Variants in CERKL observed in about 807,000 individuals in gnomAD.
CERKL encodes the protein CERK like autophagy regulator.
CERKL carries 61 observed loss-of-function variants against 63.4 expected under a neutral mutation model. The observed-to-expected ratio is 0.96, with a 90% CI of 0.78 to 1.19. The LOEUF is 1.19. Ranked by LOEUF, CERKL falls within the 50% of genes most tolerant of loss-of-function variation. CERKL has a pLI of 0.00. For missense variants in CERKL, 675 were observed against 655.5 expected (o/e 1.03, Z -0.33); for synonymous variants, 250 against 230.5 (o/e 1.08, Z -0.77).
chr2:181,656,695 TGGGTGTAGGCCTTGGGCC>T, intron 1 of CERKL, 56 bp downstream of exon 1: 1 of 1,257,770 alleles, frequency 8.0e-7, no homozygotes, highest in Non-Finnish European at 1.1e-6. Flanking sequence ...CAAAAGCTCG[TGGGTGTAGGCCTTGGGCC>T]GGGGAGAGGG....
At chr2:181,603,800 A>T in intron 2 of CERKL, 37 bp downstream of exon 2, 1 of 1,606,170 alleles carries the variant, frequency 6.2e-7, no homozygotes, top group South Asian at 1.1e-5. Flanking sequence ...TATCAAGGAA[A>T]CTGGGCTGAT....
In CERKL at chr2:181,550,604, G is replaced by T. The variant is rs1687940358; in HGVS notation, c.821-896C>A. The stretch of plus-strand genomic sequence containing the variant: ...CAAGAGCTGTGAAACCATGCATGTG[G>T]TGTGTTCCGGTTATGAAGGCAAAGA... On this transcript the variant is annotated intron_variant, in intron 5 of 12. Coordinates refer to ENST00000410087, the MANE Select transcript of CERKL (RefSeq NM_201548.5). The surrounding 1 kb of genome is among the most constrained non-coding windows in gnomAD (Gnocchi z 4.5). 6.6e-6 allele frequency among the ~76,000 whole-genome samples: 1 copy of T among 152,126 alleles called. No individual in the cohort carries two copies. Among genetic ancestry groups the T allele is most frequent in the Admixed American group, 6.6e-5 (1 of 15,244 alleles).
At chr2:181,579,444 T>G (rs1032555123) in intron 2 of CERKL, among the ~76,000 whole-genome samples, 1 of 151,990 alleles carries the variant, frequency 6.6e-6, no homozygotes. Context: ...GAACTTTCTA[T>G]GTATGTCACT....
At chr2:181,613,167 C>G (rs965850786) in intron 1 of CERKL, among the ~76,000 whole-genome samples, 28 of 152,242 alleles carry the variant, frequency 1.8e-4, no homozygotes, top group African/African-American at 6.5e-4. Flanking sequence ...CCTTGCTTCC[C>G]CTCCCCCAGC....
intron 1 of CERKL, among the ~76,000 whole-genome samples, chr2:181,638,781 T>C (rs975697886): frequency 1.3e-5 from 2 of 152,188 alleles, no homozygotes; most frequent in African/African-American, 4.8e-5. Context: ...AAGGCAGGAC[T>C]CCTAATGGGC....
At chr2:181,578,289 A>G (rs1240726143) in intron 2 of CERKL, among the ~76,000 whole-genome samples, 1 of 151,700 alleles carries the variant, frequency 6.6e-6, no homozygotes, top group African/African-American at 2.4e-5. Context: ...TAGACAGAGA[A>G]AGAGAGAGAG....
chr2:181,621,064 T>C (rs1248291132), intron 1 of CERKL, among the ~76,000 whole-genome samples: 1 of 152,184 alleles, frequency 6.6e-6, no homozygotes, highest in East Asian at 1.9e-4. Flanking sequence ...GATATGAACC[T>C]TTCATTTCCA....
chr2:181,615,307 G>A (rs1439465426), intron 1 of CERKL, among the ~76,000 whole-genome samples: 1 of 152,178 alleles, frequency 6.6e-6, no homozygotes, highest in Non-Finnish European at 1.5e-5. Context: ...AATAAGAAGA[G>A]CAAAACCAAC....
chr2:181,559,242 T>C (rs1212814608), intron 4 of CERKL, among the ~76,000 whole-genome samples: 1 of 152,188 alleles, frequency 6.6e-6, no homozygotes, highest in Non-Finnish European at 1.5e-5. Flanking sequence ...CTTGACATTA[T>C]TGCTATACGG....
chr2:181,538,216 C>CATA lies in CERKL; in HGVS notation c.1564_1566dup (p.Tyr522dup). The stretch of plus-strand genomic sequence containing the variant: ...GGAATCATTTCTTCCATGCTTCCTC[C>CATA]ATAAAGACTGATAAGTCTTGGATGC... On this transcript the variant is annotated inframe_insertion, in exon 13 of 13. Coordinates refer to ENST00000410087, the MANE Select transcript of CERKL (RefSeq NM_201548.5). 1 of 1,590,534 alleles carries CATA rather than the reference C, an allele frequency of 6.3e-7. No individual in the cohort carries two copies. Among genetic ancestry groups the CATA allele is most frequent in the South Asian group, 1.1e-5 (1 of 90,552 alleles).
At chr2:181,635,982 C>T (rs561257009) in intron 1 of CERKL, among the ~76,000 whole-genome samples, 2 of 152,196 alleles carry the variant, frequency 1.3e-5, no homozygotes, top group African/African-American at 4.8e-5. Context: ...TTTTAAGTAG[C>T]CTCTACTCTA....
chr2:181,546,904 T>C (rs1687747252), intron 10 of CERKL, among the ~76,000 whole-genome samples: 1 of 152,238 alleles, frequency 6.6e-6, no homozygotes, highest in South Asian at 2.1e-4. Flanking sequence ...CACTCAAATC[T>C]CATCTTGTAG....
rs1018054086 is a variant in CERKL, at chr2:181,615,646, A to T, written c.239-11567T>A. The stretch of plus-strand genomic sequence containing the variant: ...TTTTTTTGGCTCTTCAGAATTGGTT[A>T]TCTAATCCCCTAATTAAAAATACAA... On this transcript the variant is annotated intron_variant, in intron 1 of 12. Transcript: ENST00000410087. Among the ~76,000 whole-genome samples, 7 of 152,374 alleles carry T rather than the reference A, an allele frequency of 4.6e-5. No homozygotes were observed. In the East Asian group the frequency reaches 1.3e-3, roughly 29 times the overall value.
Position 181,537,220 on chromosome 2 carries a change from TCTCCAGGATG to T in CERKL, c.*954_*963del, listed in dbSNP as rs1378848654. 7.3e-5 allele frequency: 33 copies of T among 453,840 alleles called. No homozygotes were observed. Among genetic ancestry groups the T allele is most frequent in the African/African-American group, 6.0e-4 (30 of 49,998 alleles). The allele number at this position is 453,840 out of a possible 1,614,324, so 28.1% of individuals were successfully genotyped here. On this transcript the variant is annotated 3_prime_UTR_variant, in exon 13 of 13. Transcript: ENST00000410087. ...ATCAAGCCCCGATTTAGAACTGTCTTCTCCAGGATGGTCTCTAAGGAAATTTACATTTGGT... is the reference window on the plus strand; with the variant it reads ...ATCAAGCCCCGATTTAGAACTGTCTTGTCTCTAAGGAAATTTACATTTGGT...
chr2:181,622,676 T>A (rs1303802729), intron 1 of CERKL, among the ~76,000 whole-genome samples: 1 of 152,232 alleles, frequency 6.6e-6, no homozygotes. Flanking sequence ...GTCATCTTTT[T>A]AAAATATATT....
chr2:181,643,238 C>T lies in CERKL; in HGVS notation c.238+13531G>A, dbSNP rs557724951. 9.8e-5 allele frequency among the ~76,000 whole-genome samples: 15 copies of T among 152,292 alleles called. No homozygotes were observed. In the South Asian group the frequency reaches 2.7e-3, roughly 27 times the overall value. On this transcript the variant is annotated intron_variant, in intron 1 of 12. Coordinates refer to ENST00000410087, the MANE Select transcript of CERKL (RefSeq NM_201548.5). ...TCATAGGTGGTCAGAACTGATAGTACTTAGAGACAATATAATATAAGCCCT... is the reference window on the plus strand; with the variant it reads ...TCATAGGTGGTCAGAACTGATAGTATTTAGAGACAATATAATATAAGCCCT...
chr2:181,537,039 T>TA lies in CERKL; in HGVS notation c.*1144_*1145insT. 2 of 444,922 alleles carry TA rather than the reference T, an allele frequency of 4.5e-6. No individual in the cohort carries two copies. The highest frequency in any genetic ancestry group is 9.0e-6 in the Non-Finnish European group (2 of 221,892). 27.6% of individuals were successfully genotyped at this position (444,922 alleles called of 1,614,324 possible). On this transcript the variant is annotated 3_prime_UTR_variant, in exon 13 of 13. Transcript: ENST00000410087. Reference sequence around the variant, plus strand: ...GAATGTTCTGAGATTTGCGAAGGCATTTGAGTAGTGAAATGTAAGCACAAA... The same window carrying TA: ...GAATGTTCTGAGATTTGCGAAGGCATATTGAGTAGTGAAATGTAAGCACAAA...
intron 1 of CERKL, among the ~76,000 whole-genome samples, chr2:181,615,361 G>A (rs1233496964): frequency 6.6e-6 from 1 of 152,238 alleles, no homozygotes; most frequent in Non-Finnish European, 1.5e-5. Flanking sequence ...AAATAGAACA[G>A]CGAATGGCAC....
In CERKL at chr2:181,537,702, G is replaced by A. The variant is rs202012996; in HGVS notation, c.*482C>T. On this transcript the variant is annotated 3_prime_UTR_variant, in exon 13 of 13. Transcript: ENST00000410087. ...GGTTAAATATTGATGTATTATGATG[G>A]TTGCAAAGTTTTTTTGTGTGTCCAA... 2 of 425,030 alleles carry A rather than the reference G, an allele frequency of 4.7e-6. No homozygotes were observed. Among genetic ancestry groups the A allele is most frequent in the African/African-American group, 2.1e-5 (1 of 47,348 alleles). The allele number at this position is 425,030 out of a possible 1,614,324, so 26.3% of individuals were successfully genotyped here.
Sources: allele counts gnomAD v4.1 joint callset (sites outside exome capture counted in the v4.1 genomes callset), GRCh38; gene constraint gnomAD v4.1.1; non-coding constraint Gnocchi (gnomAD v3.1); transcripts MANE v1.5; gene names NCBI Gene and HGNC (gene_info 2026-07-23, HGNC 2026-07-21).